The following MMP26 variants were observed in gnomAD, a reference collection of about 807,000 sequenced individuals.
The protein encoded by MMP26 is matrix metallopeptidase 26, also known as matrix metalloproteinase-26.
A neutral mutation model predicts 31.0 loss-of-function variants in MMP26; 33 were observed. The ratio of observed to expected loss-of-function variants is 1.06; its 90% CI spans 0.81 to 1.42. MMP26 has a LOEUF of 1.42. Ranked by LOEUF, MMP26 falls within the 40% of genes most tolerant of loss-of-function variation. MMP26 has a pLI of 0.00. For missense variants in MMP26, 347 were observed against 316.1 expected (o/e 1.10, Z -0.74); for synonymous variants, 122 against 114.9 (o/e 1.06, Z -0.40).
intron 2 of MMP26, among the ~76,000 whole-genome samples, chr11:4,926,249 T>C (rs1412414142): frequency 6.6e-6 from 1 of 151,998 alleles, no homozygotes; most frequent in East Asian, 1.9e-4. Context: ...TAAAGAACGA[T>C]GGCAAGGAAA....
intron 1 of MMP26, chr11:4,723,104 T>G (rs1190500428): frequency 7.0e-5 from 108 of 1,532,154 alleles, no homozygotes; most frequent in Non-Finnish European, 4.5e-6. Context: ...CTTGGCCCGC[T>G]GCAGGGCGGC....
Position 4,727,678 on chromosome 11 carries a change from C to T in MMP26, c.-217+22633C>T, listed in dbSNP as rs542007481. Reference sequence around the variant, plus strand: ...TACAAAAATCAGTCAGGCATGGTGGCGGGCGCCTGTAATCCCAGCTACTTG... The same window carrying T: ...TACAAAAATCAGTCAGGCATGGTGGTGGGCGCCTGTAATCCCAGCTACTTG... On this transcript the variant is annotated intron_variant, in intron 1 of 7. Transcript: ENST00000380390. 5.3e-5 allele frequency among the ~76,000 whole-genome samples: 8 copies of T among 152,176 alleles called. No homozygotes were observed. In the South Asian group the frequency reaches 1.0e-3, roughly 20 times the overall value.
intron 2 of MMP26, among the ~76,000 whole-genome samples, chr11:4,869,168 A>G (rs1266291662): frequency 6.6e-6 from 1 of 152,214 alleles, no homozygotes; most frequent in Non-Finnish European, 1.5e-5. Flanking sequence ...CAAGGACATC[A>G]TGTCTAAAAC....
At position 4,803,966 on chromosome 11, in the gene MMP26, G is replaced by A. The variant is rs139118038; in HGVS notation, c.-145+36625G>A. Reference sequence around the variant, plus strand: ...AGTTTGATCACGACCGATGGGGTCAGGATGCTAGAGTGTCGGAGTGGGAAG... The same window carrying A: ...AGTTTGATCACGACCGATGGGGTCAAGATGCTAGAGTGTCGGAGTGGGAAG... On this transcript the variant is annotated intron_variant, in intron 2 of 7. Transcript: ENST00000380390. The A allele has an allele frequency of 4.5e-4, 724 of 1,613,742 alleles. 4 individuals carry two copies. The East Asian group carries it at 0.015, about 32-fold the overall frequency.
At chr11:4,760,461 G>A (rs1848557560) in intron 1 of MMP26, among the ~76,000 whole-genome samples, 1 of 152,168 alleles carries the variant, frequency 6.6e-6, no homozygotes, top group South Asian at 2.1e-4. Context: ...AATATTTGAG[G>A]CTTTGGCTGA....
Position 4,769,625 on chromosome 11 carries a change from C to T in MMP26, c.-145+2284C>T, listed in dbSNP as rs183806014. 113 of 1,604,952 alleles carry T rather than the reference C, an allele frequency of 7.0e-5. No individual in the cohort carries two copies. In the Admixed American group the frequency reaches 9.6e-4, roughly 14 times the overall value. ...AAGAAAAAACATCTGGACAATGCAG[C>T]TATATAGACTGATTTCACGTGCCTC... On this transcript the variant is annotated intron_variant, in intron 2 of 7. Coordinates refer to ENST00000380390, the MANE Select transcript of MMP26 (RefSeq NM_021801.5).
chr11:4,881,946 T>A (rs762136233), intron 2 of MMP26: 2 of 1,613,908 alleles, frequency 1.2e-6, no homozygotes, highest in Non-Finnish European at 1.7e-6. Flanking sequence ...AACTTCCTCC[T>A]CACTGCATTC....
intron 2 of MMP26, among the ~76,000 whole-genome samples, chr11:4,965,509 A>G (rs1329750968): frequency 1.3e-5 from 2 of 152,192 alleles, no homozygotes. Context: ...CTTTCCTTAC[A>G]TAGATAATGA....
At chr11:4,912,868 C>T (rs1047839143) in intron 2 of MMP26, 7 of 151,970 alleles carry the variant, frequency 4.6e-5, no homozygotes, top group African/African-American at 1.7e-4. Flanking sequence ...TAACTTACGT[C>T]TCACTTCTCT....
At chr11:4,845,667 A>G (rs1159835236) in intron 2 of MMP26, among the ~76,000 whole-genome samples, 2 of 152,204 alleles carry the variant, frequency 1.3e-5, no homozygotes, top group African/African-American at 4.8e-5. Context: ...AACCCACAGA[A>G]TGGAAGGAAA....
chr11:4,800,614 T>C (rs1849167904), intron 2 of MMP26, among the ~76,000 whole-genome samples: 1 of 152,220 alleles, frequency 6.6e-6, no homozygotes, highest in African/African-American at 2.4e-5. Context: ...CTAATCTCTC[T>C]AGCAAGTGAT....
At chr11:4,786,520 T>G (rs1376424596) in intron 2 of MMP26, among the ~76,000 whole-genome samples, 11 of 142,580 alleles carry the variant, frequency 7.7e-5, no homozygotes, top group Admixed American at 2.7e-4. Context: ...TTTTTTTTTT[T>G]TTTACCAAAA....
intron 2 of MMP26, among the ~76,000 whole-genome samples, chr11:4,923,056 G>A (rs10836950): frequency 0.055 from 8,357 of 152,274 alleles, 333 homozygotes; most frequent in East Asian, 0.23. Context: ...TTTAGATTTT[G>A]TCCAATCATA....
chr11:4,867,387 CTTT>C (rs3065176), intron 2 of MMP26, among the ~76,000 whole-genome samples: 9,873 of 98,160 alleles, frequency 0.1, 363 homozygotes, highest in Middle Eastern at 0.2. Flanking sequence ...AGATGCTGTC[CTTT>C]TTTTTTTTTT....
At chr11:4,812,683 G>A (rs2133463071) in intron 2 of MMP26, among the ~76,000 whole-genome samples, 1 of 152,300 alleles carries the variant, frequency 6.6e-6, no homozygotes, top group East Asian at 1.9e-4. Context: ...GATACGCATA[G>A]AGTAGAGGAA....
intron 2 of MMP26, chr11:4,915,536 G>C: frequency 6.2e-7 from 1 of 1,614,104 alleles, no homozygotes; most frequent in Non-Finnish European, 8.5e-7. Flanking sequence ...GCCCGGGATG[G>C]AAACCAGATA....
rs148855440 is a variant in MMP26, at chr11:4,803,905, A to G, written c.-145+36564A>G. 46 of 1,613,130 alleles carry G rather than the reference A, an allele frequency of 2.9e-5. No individual in the cohort carries two copies. In the African/African-American group the frequency reaches 5.1e-4, roughly 18 times the overall value. ...AGACACCATGAAGCAGAAGGGGCTC[A>G]CCCACAGCAGCCCTCTCAGCATCAC... On this transcript the variant is annotated intron_variant, in intron 2 of 7. Coordinates refer to ENST00000380390, the MANE Select transcript of MMP26 (RefSeq NM_021801.5).
intron 1 of MMP26, among the ~76,000 whole-genome samples, chr11:4,761,857 C>A (rs1848572332): frequency 6.6e-6 from 1 of 151,972 alleles, no homozygotes; most frequent in African/African-American, 2.4e-5. Context: ...TTAGAATAAA[C>A]AAATGGATTT....
chr11:4,815,376 G>A (rs367669310), intron 2 of MMP26, among the ~76,000 whole-genome samples: 2 of 152,074 alleles, frequency 1.3e-5, no homozygotes, highest in East Asian at 1.9e-4. Context: ...TGAGGCCCAC[G>A]AAGAATTTCC....
Sources: allele counts gnomAD v4.1 joint callset (sites outside exome capture counted in the v4.1 genomes callset), GRCh38; gene constraint gnomAD v4.1.1; transcripts MANE v1.5; gene names NCBI Gene and HGNC (gene_info 2026-07-23, HGNC 2026-07-21).